The following ITGB6 variants were observed in gnomAD, a reference collection of about 807,000 sequenced individuals.
The protein encoded by ITGB6 is integrin subunit beta 6.
ITGB6 carries 80 observed loss-of-function variants against 84.5 expected under a neutral mutation model. The ratio of observed to expected loss-of-function variants is 0.95; its 90% CI spans 0.79 to 1.14. The LOEUF (loss-of-function observed/expected upper bound fraction) is 1.14, where lower values mean the gene tolerates loss of function less well. Among genes scored for constraint, ITGB6 ranks in the 50% most tolerant of loss-of-function variants. The pLI is 0.00. For missense variants in ITGB6, 1,006 were observed against 968.0 expected (o/e 1.04, Z -0.52); for synonymous variants, 383 against 354.9 (o/e 1.08, Z -0.89).
intron 2 of ITGB6, among the ~76,000 whole-genome samples, chr2:160,198,836 A>G (rs971739843): frequency 6.6e-6 from 1 of 152,222 alleles, no homozygotes; most frequent in African/African-American, 2.4e-5. Context: ...ACTTTAGAAA[A>G]TATCATCTCC....
intron 7 of ITGB6, among the ~76,000 whole-genome samples, chr2:160,153,533 G>C (rs923650931): frequency 6.6e-6 from 1 of 152,142 alleles, no homozygotes; most frequent in African/African-American, 2.4e-5. Flanking sequence ...CATGGGCAAG[G>C]ACTTCATGAC....
intron 4 of ITGB6, among the ~76,000 whole-genome samples, chr2:160,190,458 G>A (rs1686099663): frequency 6.6e-6 from 1 of 152,224 alleles, no homozygotes; most frequent in South Asian, 2.1e-4. Flanking sequence ...CACATTATGA[G>A]TGAATATATG....
intron 7 of ITGB6, among the ~76,000 whole-genome samples, chr2:160,154,361 C>T (rs1684544205): frequency 6.6e-6 from 1 of 150,620 alleles, no homozygotes; most frequent in African/African-American, 2.4e-5. Context: ...AATGTTATCA[C>T]TCATAGGTGG....
At chr2:160,168,216 C>T (rs995405314) in intron 7 of ITGB6, among the ~76,000 whole-genome samples, 2 of 152,156 alleles carry the variant, frequency 1.3e-5, no homozygotes, top group Non-Finnish European at 2.9e-5. Flanking sequence ...GATAGCATCT[C>T]CTGCTGGATC....
rs76024734 is a variant in ITGB6, at chr2:160,146,631, A to G, written c.1018-4560T>C. 2.3e-3 allele frequency among the ~76,000 whole-genome samples: 347 copies of G among 152,234 alleles called. 1 individual carries two copies. The highest frequency in any genetic ancestry group is 7.8e-3 in the African/African-American group (325 of 41,554). Reference sequence around the variant, plus strand: ...TAAGTATTTTTTGTCATTACTTTGTATCTCTTTAGCCAGCGGCTAGCATTC... The same window carrying G: ...TAAGTATTTTTTGTCATTACTTTGTGTCTCTTTAGCCAGCGGCTAGCATTC... On this transcript the variant is annotated intron_variant, in intron 7 of 14. Transcript: ENST00000283249.
At chr2:160,150,445 C>A (rs1684369494) in intron 7 of ITGB6, among the ~76,000 whole-genome samples, 1 of 152,172 alleles carries the variant, frequency 6.6e-6, no homozygotes, top group South Asian at 2.1e-4. Context: ...CTTACAAGAG[C>A]TCCTGAAGGA....
chr2:160,140,985 A>G (rs1387942935), intron 8 of ITGB6, among the ~76,000 whole-genome samples: 1 of 152,026 alleles, frequency 6.6e-6, no homozygotes, highest in East Asian at 1.9e-4. Flanking sequence ...ATTTTTAAAA[A>G]CTTTCCGTGT....
At chr2:160,163,777 T>A (rs1684907172) in intron 7 of ITGB6, among the ~76,000 whole-genome samples, 1 of 152,220 alleles carries the variant, frequency 6.6e-6, no homozygotes, top group Non-Finnish European at 1.5e-5. Flanking sequence ...ATTCAGATTA[T>A]CTGAGTTCAA....
chr2:160,198,973 A>G (rs1012228086), intron 2 of ITGB6, among the ~76,000 whole-genome samples: 1 of 152,238 alleles, frequency 6.6e-6, no homozygotes, highest in African/African-American at 2.4e-5. Context: ...GAATTATTTG[A>G]CATCCACTCC....
rs1696667972 is a variant in ITGB6 at position 160,100,331 on chromosome 2, C to G, written c.*1405G>C. ...TAAACATTGCACAAAAGTACAATAT[C>G]TCATCTATATGCCAGCAGTTTAAAT... On this transcript the variant is annotated 3_prime_UTR_variant, in exon 15 of 15. Transcript: ENST00000283249. The G allele has an allele frequency of 6.6e-6, 1 of 152,244 alleles. No homozygotes were observed. Among genetic ancestry groups the G allele is most frequent in the African/African-American group, 2.4e-5 (1 of 41,462 alleles). The allele number at this position is 152,244 out of a possible 1,614,324, so 9.4% of individuals were successfully genotyped here.
In ITGB6 at chr2:160,199,162, G is replaced by A; in HGVS notation, c.141+17C>T. 6.2e-7 allele frequency: 1 copy of A among 1,600,032 alleles called. No homozygotes were observed. The highest frequency in any genetic ancestry group is 8.6e-7 in the Non-Finnish European group (1 of 1,167,332). On this transcript the variant is annotated intron_variant, in intron 2 of 14. Coordinates refer to ENST00000283249, the MANE Select transcript of ITGB6 (RefSeq NM_000888.5). Reference sequence around the variant, plus strand: ...TGCAGACAGGTTTTAAAAACACATTGAGGTCATTTATTTTACCTCCTGAGC... The same window carrying A: ...TGCAGACAGGTTTTAAAAACACATTAAGGTCATTTATTTTACCTCCTGAGC...
chr2:160,193,442 T>C (rs965637296), intron 4 of ITGB6, among the ~76,000 whole-genome samples: 17 of 152,208 alleles, frequency 1.1e-4, no homozygotes, highest in Non-Finnish European at 2.1e-4. Flanking sequence ...ATATAAATTA[T>C]AGAAACAGAA....
chr2:160,121,478 A>C (rs1049128765), intron 12 of ITGB6, among the ~76,000 whole-genome samples: 1 of 152,186 alleles, frequency 6.6e-6, no homozygotes, highest in Non-Finnish European at 1.5e-5. Context: ...CATGTATGTT[A>C]AGGTAAATAA....
At chr2:160,167,158 A>G (rs941472070) in intron 7 of ITGB6, among the ~76,000 whole-genome samples, 1 of 152,204 alleles carries the variant, frequency 6.6e-6, no homozygotes, top group Non-Finnish European at 1.5e-5. Flanking sequence ...CTTATATCGC[A>G]GTTATCCAAA....
intron 8 of ITGB6, among the ~76,000 whole-genome samples, chr2:160,139,416 A>G (rs555364676): frequency 4.6e-5 from 7 of 152,234 alleles, no homozygotes; most frequent in African/African-American, 1.7e-4. Flanking sequence ...ATGCTTTGAT[A>G]CTTTATGTGT....
intron 4 of ITGB6, among the ~76,000 whole-genome samples, chr2:160,183,892 C>T (rs527985186): frequency 5.7e-4 from 86 of 151,950 alleles, no homozygotes; most frequent in African/African-American, 1.7e-3. Context: ...GGGTAAATAA[C>T]GAAATGAAGG....
intron 12 of ITGB6, among the ~76,000 whole-genome samples, chr2:160,112,986 G>A (rs900179695): frequency 1.3e-5 from 2 of 152,194 alleles, no homozygotes; most frequent in African/African-American, 4.8e-5. Flanking sequence ...AAATTATGTG[G>A]CATTCTGCTA....
intron 4 of ITGB6, among the ~76,000 whole-genome samples, chr2:160,188,635 G>A (rs971525436): frequency 1.3e-4 from 19 of 149,690 alleles, no homozygotes; most frequent in Non-Finnish European, 1.8e-4. Flanking sequence ...ATGTAGTCTC[G>A]CTCTGTCACC....
intron 7 of ITGB6, among the ~76,000 whole-genome samples, chr2:160,165,560 G>T (rs1236511823): frequency 6.6e-6 from 1 of 152,126 alleles, no homozygotes; most frequent in Non-Finnish European, 1.5e-5. Flanking sequence ...GAACCAAATA[G>T]AAGAAAGAAG....
Sources: gnomAD v4.1 joint callset for allele counts (sites outside exome capture counted in the v4.1 genomes callset) on GRCh38, gnomAD v4.1.1 for gene constraint, MANE v1.5 for transcripts, NCBI Gene and HGNC (gene_info 2026-07-23, HGNC 2026-07-21) for gene names.